TBC1D5: variants seen among roughly 807,000 people sequenced by gnomAD.
TBC1D5 encodes the protein TBC1 domain family, member 5.
In TBC1D5, 75 loss-of-function variants were observed where a neutral mutation model predicts 100.3. The observed-to-expected ratio is 0.75, with a 90% CI of 0.62 to 0.91. TBC1D5 has a LOEUF of 0.91. Among genes scored for constraint, TBC1D5 ranks in the 40% least tolerant of loss-of-function variants. The pLI, the probability that TBC1D5 is intolerant of heterozygous loss-of-function variation, is 0.00. For synonymous variants in TBC1D5, 323 were observed against 325.6 expected, an observed-to-expected ratio of 0.99 and a Z score of 0.09; for missense variants, 910 against 942.4, an observed-to-expected ratio of 0.97 and a Z score of 0.45.
intron 21 of TBC1D5, among the ~76,000 whole-genome samples, chr3:17,162,267 G>T (rs992088920): frequency 3.9e-5 from 6 of 152,206 alleles, no homozygotes; most frequent in Non-Finnish European, 7.3e-5. Context: ...CCGCTGACTG[G>T]AAGTGTCTCC....
intron 15 of TBC1D5, among the ~76,000 whole-genome samples, chr3:17,284,349 T>C (rs283922): frequency 0.42 from 63,485 of 151,940 alleles, 13,977 homozygotes; most frequent in Middle Eastern, 0.5. Context: ...AACTCCTGAC[T>C]TCGAGTGATC....
At chr3:17,386,967 A>G (rs1336081241) in intron 8 of TBC1D5, among the ~76,000 whole-genome samples, 1 of 152,138 alleles carries the variant, frequency 6.6e-6, no homozygotes, top group East Asian at 1.9e-4. Context: ...TCAACTGAAA[A>G]TATGTATTAT....
chr3:17,722,464 T>G (rs1280274016), intron 1 of TBC1D5, among the ~76,000 whole-genome samples: 3 of 152,224 alleles, frequency 2.0e-5, no homozygotes, highest in Non-Finnish European at 4.4e-5. Context: ...CTCACTGTGA[T>G]GCATCACAGG....
chr3:17,303,249 A>T (rs1406702532), intron 14 of TBC1D5, among the ~76,000 whole-genome samples: 1 of 152,122 alleles, frequency 6.6e-6, no homozygotes, highest in African/African-American at 2.4e-5. Context: ...ATTCTTCCAA[A>T]CTATTGCTTC....
chr3:17,555,112 G>A (rs977255222), intron 2 of TBC1D5, among the ~76,000 whole-genome samples: 1 of 151,340 alleles, frequency 6.6e-6, no homozygotes, highest in Non-Finnish European at 1.5e-5. Flanking sequence ...GCCTCCCAAA[G>A]TGCTGGGATT....
At chr3:17,279,745 G>C (rs138922642) in intron 15 of TBC1D5, among the ~76,000 whole-genome samples, 397 of 152,248 alleles carry the variant, frequency 2.6e-3, no homozygotes, top group African/African-American at 9.1e-3. Context: ...TTTTGGAATA[G>C]AACAAATACA....
intron 2 of TBC1D5, among the ~76,000 whole-genome samples, chr3:17,616,138 G>A (rs1484260567): frequency 1.3e-5 from 2 of 152,042 alleles, no homozygotes; most frequent in Non-Finnish European, 2.9e-5. Context: ...CCTTCATTTC[G>A]TTATTTACCC....
chr3:17,685,133 T>C (rs2070075788), intron 1 of TBC1D5, among the ~76,000 whole-genome samples: 1 of 152,014 alleles, frequency 6.6e-6, no homozygotes, highest in African/African-American at 2.4e-5. Context: ...ACAAACATTC[T>C]ACCACTGGTA....
At chr3:17,702,750 G>C (rs2073390342) in intron 1 of TBC1D5, among the ~76,000 whole-genome samples, 1 of 152,078 alleles carries the variant, frequency 6.6e-6, no homozygotes, top group Non-Finnish European at 1.5e-5. Flanking sequence ...TGCTTATTGA[G>C]CCTTAATAAG....
At chr3:17,357,827 A>C (rs2091355126) in intron 13 of TBC1D5, among the ~76,000 whole-genome samples, 1 of 152,220 alleles carries the variant, frequency 6.6e-6, no homozygotes. Flanking sequence ...TTTTGGTTGC[A>C]ATGAATGAAG....
At chr3:17,497,124 ACACACACACAC>A (rs2095719132) in intron 3 of TBC1D5, among the ~76,000 whole-genome samples, 1 of 150,090 alleles carries the variant, frequency 6.7e-6, no homozygotes, top group Non-Finnish European at 1.5e-5. Context: ...ACACACACAC[ACACACACACAC>A]ACCATCCTTG....
At chr3:17,463,338 G>A (rs1365207639) in intron 3 of TBC1D5, among the ~76,000 whole-genome samples, 1 of 152,054 alleles carries the variant, frequency 6.6e-6, no homozygotes, top group Non-Finnish European at 1.5e-5. Context: ...GCCTACTTCT[G>A]GGTTCCATTG....
chr3:17,672,777 G>A (rs2068092502), intron 1 of TBC1D5: 3 of 152,164 alleles, frequency 2.0e-5, no homozygotes, highest in Admixed American at 2.0e-4. Flanking sequence ...ATTGCCTAAG[G>A]ATGCTGCCTA....
intron 9 of TBC1D5, among the ~76,000 whole-genome samples, chr3:17,381,636 G>A (rs2092948337): frequency 6.6e-6 from 1 of 151,960 alleles, no homozygotes; most frequent in South Asian, 2.1e-4. Flanking sequence ...TCTGCTATTT[G>A]CTCCCAAAAG....
intron 13 of TBC1D5, among the ~76,000 whole-genome samples, chr3:17,310,184 C>T (rs1010586634): frequency 1.3e-5 from 2 of 152,026 alleles, no homozygotes; most frequent in Non-Finnish European, 2.9e-5. Context: ...TCTCTTGCAC[C>T]CTTCTTGACT....
chr3:17,417,055 G>A (rs1233502551), intron 4 of TBC1D5, among the ~76,000 whole-genome samples: 1 of 152,152 alleles, frequency 6.6e-6, no homozygotes, highest in Non-Finnish European at 1.5e-5. Flanking sequence ...GAAGGCAATA[G>A]TAGTTATTTT....
At chr3:17,226,273 C>A (rs1187014983) in intron 17 of TBC1D5, among the ~76,000 whole-genome samples, 1 of 151,064 alleles carries the variant, frequency 6.6e-6, no homozygotes, top group Non-Finnish European at 1.5e-5. Context: ...GCTTGTAACC[C>A]ATAAGCTACA....
At chr3:17,530,863 C>G (rs1440549582) in intron 2 of TBC1D5, among the ~76,000 whole-genome samples, 2 of 152,140 alleles carry the variant, frequency 1.3e-5, no homozygotes, top group South Asian at 4.1e-4. Context: ...TATGACAAAC[C>G]CACAGCCAAT....
intron 14 of TBC1D5, among the ~76,000 whole-genome samples, chr3:17,298,954 C>T (rs560400042): frequency 6.6e-6 from 1 of 152,210 alleles, no homozygotes; most frequent in Admixed American, 6.5e-5. Flanking sequence ...CAGCCCTATA[C>T]GTACTATGCT....
Sources: gnomAD v4.1 joint callset for allele counts (sites outside exome capture counted in the v4.1 genomes callset) on GRCh38, gnomAD v4.1.1 for gene constraint, MANE v1.5 for transcripts, NCBI Gene and HGNC (gene_info 2026-07-23, HGNC 2026-07-21) for gene names.